The following ERC2 variants were observed in gnomAD, a reference collection of about 807,000 sequenced individuals.
ERC2 encodes ERC protein 2.
ERC2 carries 42 observed loss-of-function variants against 114.8 expected under a neutral mutation model. The ratio of observed to expected loss-of-function variants is 0.37; its 90% confidence interval spans 0.29 to 0.47. ERC2 has a LOEUF of 0.47. Among genes scored for constraint, ERC2 ranks in the 20% least tolerant of loss-of-function variants. The pLI is 0.99. For synonymous variants in ERC2, 454 were observed against 425.5 expected, an observed-to-expected ratio of 1.07 and a Z score of -0.82; for missense variants, 939 against 1,150.7, an observed-to-expected ratio of 0.82 and a Z score of 2.66.
chr3:55,802,061 G>C (rs2071102345), intron 14 of ERC2, among the ~76,000 whole-genome samples: 2 of 152,288 alleles, frequency 1.3e-5, no homozygotes, highest in Non-Finnish European at 2.9e-5. Context: ...GAAAACCTCA[G>C]AATAAAATGA....
At chr3:56,237,662 T>A (rs1437468088) in intron 3 of ERC2, among the ~76,000 whole-genome samples, 2 of 151,562 alleles carry the variant, frequency 1.3e-5, no homozygotes, top group Non-Finnish European at 2.9e-5. Context: ...CATTGCTTTC[T>A]TTTTTTTTCT....
chr3:56,119,683 A>G (rs9863010), intron 6 of ERC2, among the ~76,000 whole-genome samples: 2,195 of 152,324 alleles, frequency 0.014, 43 homozygotes, highest in African/African-American at 0.034. Context: ...GGCATCCCCA[A>G]TGTCTAACCC....
intron 2 of ERC2, among the ~76,000 whole-genome samples, chr3:56,432,419 T>C (rs985837006): frequency 2.0e-5 from 3 of 152,146 alleles, no homozygotes; most frequent in Admixed American, 2.0e-4. Flanking sequence ...AAATGTGCAT[T>C]GTACAAACAG....
At chr3:56,430,116 G>C (rs1173235174) in intron 2 of ERC2, among the ~76,000 whole-genome samples, 1 of 152,156 alleles carries the variant, frequency 6.6e-6, no homozygotes, top group African/African-American at 2.4e-5. Context: ...ACACAGAACA[G>C]TTCAAATTGT....
chr3:56,032,734 C>T (rs2074443460), intron 7 of ERC2, among the ~76,000 whole-genome samples: 1 of 151,642 alleles, frequency 6.6e-6, no homozygotes, highest in South Asian at 2.1e-4. Flanking sequence ...TGGTGTGGCA[C>T]ATTCCTGTAC....
At chr3:56,007,394 G>T in intron 9 of ERC2, 73 bp from the exon 10 acceptor site, 3 of 1,324,994 alleles carry the variant, frequency 2.3e-6, no homozygotes, top group Non-Finnish European at 3.1e-6. Flanking sequence ...TGAACACATT[G>T]ATTCTATACA....
intron 13 of ERC2, among the ~76,000 whole-genome samples, chr3:55,940,805 A>T (rs1302536496): frequency 2.0e-5 from 3 of 152,188 alleles, no homozygotes. Context: ...ATAAAGCTTA[A>T]TCCGTTTCCA....
chr3:55,651,338 C>G (rs1436801394), intron 17 of ERC2, among the ~76,000 whole-genome samples: 2 of 152,194 alleles, frequency 1.3e-5, no homozygotes. Context: ...TGGACTCATA[C>G]AATCAGGGCT....
chr3:55,899,781 G>C (rs915269145), intron 13 of ERC2, among the ~76,000 whole-genome samples: 6 of 152,044 alleles, frequency 3.9e-5, no homozygotes, highest in Admixed American at 6.6e-5. Context: ...TGATGGGTTT[G>C]TTTCTAGGTT....
At chr3:56,212,903 T>C (rs192839822) in intron 3 of ERC2, among the ~76,000 whole-genome samples, 2 of 152,244 alleles carry the variant, frequency 1.3e-5, no homozygotes, top group East Asian at 1.9e-4. Flanking sequence ...CTGGAGACCA[T>C]TATTCTAAGT....
intron 17 of ERC2, among the ~76,000 whole-genome samples, chr3:55,593,299 G>A (rs2057985825): frequency 6.6e-6 from 1 of 152,206 alleles, no homozygotes; most frequent in Non-Finnish European, 1.5e-5. Context: ...TGGAGATGGA[G>A]AGGGAGGTCC....
chr3:55,819,935 G>C (rs80046486), intron 14 of ERC2, among the ~76,000 whole-genome samples: 7,050 of 152,276 alleles, frequency 0.046, 192 homozygotes, highest in African/African-American at 0.074. Flanking sequence ...TTTTGGCTGC[G>C]TGCAATGGAG....
chr3:56,268,898 A>G (rs1015292190), intron 3 of ERC2, among the ~76,000 whole-genome samples: 2 of 152,206 alleles, frequency 1.3e-5, no homozygotes, highest in Non-Finnish European at 2.9e-5. Context: ...ATGTCCCTAA[A>G]GTTGATTGTG....
At chr3:55,781,316 G>A (rs533067832) in intron 14 of ERC2, among the ~76,000 whole-genome samples, 199 of 152,264 alleles carry the variant, frequency 1.3e-3, no homozygotes, top group African/African-American at 4.3e-3. Context: ...GCACTGGGAT[G>A]GGAATGAGAC....
At chr3:56,370,388 A>T (rs2059317277) in intron 2 of ERC2, among the ~76,000 whole-genome samples, 1 of 152,148 alleles carries the variant, frequency 6.6e-6, no homozygotes. Flanking sequence ...CATGTGTGTC[A>T]TTGCTAATAC....
intron 7 of ERC2, among the ~76,000 whole-genome samples, chr3:56,022,362 A>G (rs2073775483): frequency 1.3e-5 from 2 of 152,208 alleles, no homozygotes; most frequent in Admixed American, 6.5e-5. Flanking sequence ...CATTGAGTGT[A>G]AACAGAATAA....
chr3:55,958,664 T>C (rs1166877321), intron 12 of ERC2, among the ~76,000 whole-genome samples: 1 of 152,054 alleles, frequency 6.6e-6, no homozygotes, highest in African/African-American at 2.4e-5. Flanking sequence ...GCACCCAAAG[T>C]CTAGAGAGGG....
intron 12 of ERC2, among the ~76,000 whole-genome samples, chr3:55,951,430 A>T (rs1379613639): frequency 6.6e-6 from 1 of 152,250 alleles, no homozygotes; most frequent in Non-Finnish European, 1.5e-5. Flanking sequence ...ACAGGATGTC[A>T]AAGTGCAAAA....
At chr3:55,699,956 G>C (rs946219414) in intron 15 of ERC2, among the ~76,000 whole-genome samples, 1 of 152,144 alleles carries the variant, frequency 6.6e-6, no homozygotes, top group East Asian at 1.9e-4. Context: ...GATAAACAAT[G>C]GTCTCACAAG....
Sources: allele counts gnomAD v4.1 joint callset (sites outside exome capture counted in the v4.1 genomes callset), GRCh38; gene constraint gnomAD v4.1.1; transcripts MANE v1.5; gene names NCBI Gene and HGNC (gene_info 2026-07-23, HGNC 2026-07-21).